The following NKAIN2 variants were observed in gnomAD, a reference collection of about 807,000 sequenced individuals.
NKAIN2 encodes the protein sodium/potassium transporting ATPase interacting 2, also known as sodium/potassium-transporting ATPase subunit beta-1-interacting protein 2.
In NKAIN2, 14 loss-of-function variants were observed where a neutral mutation model predicts 32.6. That is an observed-to-expected ratio of 0.43 (90% confidence interval 0.28 to 0.67). NKAIN2 has a LOEUF of 0.67. NKAIN2 is among the 30% of genes least tolerant of loss of function. The pLI, the probability that NKAIN2 is intolerant of heterozygous loss-of-function variation, is 0.17. For missense variants in NKAIN2, 198 were observed against 258.3 expected (o/e 0.77, Z 1.60); for synonymous variants, 80 against 87.2 (o/e 0.92, Z 0.46).
At chr6:124,617,361 A>AT (rs1441102289) in intron 3 of NKAIN2, among the ~76,000 whole-genome samples, 2 of 152,176 alleles carry the variant, frequency 1.3e-5, no homozygotes, top group African/African-American at 4.8e-5. Context: ...ACTGTTCTCT[A>AT]AAACCCATGC....
At chr6:124,765,263 A>G (rs943643962) in intron 4 of NKAIN2, among the ~76,000 whole-genome samples, 4 of 152,198 alleles carry the variant, frequency 2.6e-5, no homozygotes, top group Non-Finnish European at 5.9e-5. Flanking sequence ...TAGAGTCTCA[A>G]TGAATAGCCT....
At chr6:124,534,679 C>G (rs1779650987) in intron 3 of NKAIN2, among the ~76,000 whole-genome samples, 1 of 152,154 alleles carries the variant, frequency 6.6e-6, no homozygotes, top group Non-Finnish European at 1.5e-5. Context: ...TTACTTCTGC[C>G]CAGAGTCTTC....
rs183398413 is a variant in NKAIN2, at chr6:124,022,393, C to A, written c.54+218139C>A. ...TCTGTATAGCAGCATGATTTATAAT[C>A]TTTTGGGTATATACCCAGTAATGGG... On this transcript the variant is annotated intron_variant, in intron 1 of 6. Coordinates refer to ENST00000368417, the MANE Select transcript of NKAIN2 (RefSeq NM_001040214.3). 3.5e-4 allele frequency among the ~76,000 whole-genome samples: 54 copies of A among 152,234 alleles called. No individual in the cohort carries two copies. In the East Asian group the frequency reaches 9.5e-3, roughly 27 times the overall value.
chr6:123,848,159 C>CAGAAGTCTGGGAGGTGGCA, intron 1 of NKAIN2, among the ~76,000 whole-genome samples: 1 of 152,272 alleles, frequency 6.6e-6, no homozygotes, highest in South Asian at 2.1e-4. Flanking sequence ...TATCGTGTGG[C>CAGAAGTCTGGGAGGTGGCA]TGAAAGACAA....
chr6:124,732,676 G>A (rs1776742166), intron 4 of NKAIN2, among the ~76,000 whole-genome samples: 1 of 151,998 alleles, frequency 6.6e-6, no homozygotes, highest in African/African-American at 2.4e-5. Context: ...TATCCTGGTT[G>A]TGATATTTTA....
intron 1 of NKAIN2, among the ~76,000 whole-genome samples, chr6:123,980,749 T>A (rs564648885): frequency 6.6e-6 from 1 of 152,210 alleles, no homozygotes. Context: ...AGTAGATACT[T>A]GTTTTCTGTA....
At chr6:123,925,522 T>C (rs924547392) in intron 1 of NKAIN2, among the ~76,000 whole-genome samples, 1 of 152,172 alleles carries the variant, frequency 6.6e-6, no homozygotes, top group African/African-American at 2.4e-5. Flanking sequence ...GAATCATTCA[T>C]GTATAAGCCA....
intron 1 of NKAIN2, among the ~76,000 whole-genome samples, chr6:123,892,854 G>T (rs1006484647): frequency 1.3e-5 from 2 of 151,592 alleles, no homozygotes; most frequent in African/African-American, 4.8e-5. Context: ...TGTCCTAAGG[G>T]TGAAGGTCAG....
At chr6:123,945,580 T>TAAAGCTGAAGTCAGCTTGGCAGC (rs1777027884) in intron 1 of NKAIN2, among the ~76,000 whole-genome samples, 1 of 152,124 alleles carries the variant, frequency 6.6e-6, no homozygotes, top group Non-Finnish European at 1.5e-5. Flanking sequence ...AATCTGGCAG[T>TAAAGCTGAAGTCAGCTTGGCAGC]AATGCTGAAG....
chr6:124,687,846 G>T (rs1222951447), intron 4 of NKAIN2, among the ~76,000 whole-genome samples: 2 of 146,388 alleles, frequency 1.4e-5, no homozygotes, highest in East Asian at 4.0e-4. Flanking sequence ...TACTTATAAA[G>T]TATGCAATAC....
intron 1 of NKAIN2, among the ~76,000 whole-genome samples, chr6:123,816,902 A>G (rs749938315): frequency 6.6e-6 from 1 of 152,174 alleles, no homozygotes; most frequent in African/African-American, 2.4e-5. Context: ...ATAGGAGGCA[A>G]TGAAGCTCAG....
intron 2 of NKAIN2, among the ~76,000 whole-genome samples, chr6:124,327,095 C>T (rs1164745861): frequency 1.3e-5 from 2 of 151,494 alleles, no homozygotes; most frequent in Non-Finnish European, 2.9e-5. Context: ...ACTTTCATTG[C>T]TTGGCTGTAT....
At chr6:124,425,526 G>T (rs1774944436) in intron 3 of NKAIN2, among the ~76,000 whole-genome samples, 1 of 152,094 alleles carries the variant, frequency 6.6e-6, no homozygotes, top group Non-Finnish European at 1.5e-5. Context: ...CGACTGGGAT[G>T]AAGTATTTGC....
chr6:124,016,752 CTG>C, intron 1 of NKAIN2, among the ~76,000 whole-genome samples: 1 of 151,960 alleles, frequency 6.6e-6, no homozygotes, highest in Non-Finnish European at 1.5e-5. Context: ...CTTATAACAG[CTG>C]TGTGAGGTTG....
At chr6:124,293,972 G>A (rs1358641558) in intron 2 of NKAIN2, among the ~76,000 whole-genome samples, 1 of 152,072 alleles carries the variant, frequency 6.6e-6, no homozygotes, top group East Asian at 1.9e-4. Flanking sequence ...ATTGTTTTTA[G>A]TTTAGAGTTT....
At chr6:124,374,521 G>A (rs1279728997) in intron 3 of NKAIN2, among the ~76,000 whole-genome samples, 4 of 152,096 alleles carry the variant, frequency 2.6e-5, no homozygotes, top group Non-Finnish European at 4.4e-5. Context: ...CTGCATCAGC[G>A]TCACGCTCTT....
At chr6:124,469,006 T>A (rs541927918) in intron 3 of NKAIN2, among the ~76,000 whole-genome samples, 1 of 152,206 alleles carries the variant, frequency 6.6e-6, no homozygotes, top group Admixed American at 6.5e-5. Flanking sequence ...AATCTACTTA[T>A]ATCAATTCTG....
chr6:123,943,682 A>G (rs1347883436), intron 1 of NKAIN2, among the ~76,000 whole-genome samples: 1 of 152,066 alleles, frequency 6.6e-6, no homozygotes, highest in African/African-American at 2.4e-5. Flanking sequence ...TTCTATGAAA[A>G]GTCACCTTGA....
At chr6:124,066,145 C>T (rs1253264924) in intron 1 of NKAIN2, among the ~76,000 whole-genome samples, 1 of 152,114 alleles carries the variant, frequency 6.6e-6, no homozygotes, top group African/African-American at 2.4e-5. Context: ...CAGGAGAGAC[C>T]TGGAGAGACC....
Sources: gnomAD v4.1 joint callset for allele counts (sites outside exome capture counted in the v4.1 genomes callset) on GRCh38, gnomAD v4.1.1 for gene constraint, MANE v1.5 for transcripts, NCBI Gene and HGNC (gene_info 2026-07-23, HGNC 2026-07-21) for gene names.